SPOCK3: variants seen among roughly 807,000 people sequenced by gnomAD.
SPOCK3 encodes the protein testican-3.
Under a neutral mutation model 56.6 loss-of-function variants are expected in SPOCK3, and 30 were observed. The observed-to-expected ratio is 0.53, with a 90% CI of 0.40 to 0.72. The LOEUF (loss-of-function observed/expected upper bound fraction) is 0.72. SPOCK3 is among the 30% of genes least tolerant of loss of function. The probability of loss-of-function intolerance (pLI) is 0.00; values close to 1 mark genes in which losing one functional copy is unlikely to be tolerated. For synonymous variants in SPOCK3, 196 were observed against 183.3 expected, an observed-to-expected ratio of 1.07 and a Z score of -0.56; for missense variants, 527 against 530.0, an observed-to-expected ratio of 0.99 and a Z score of 0.06.
intron 3 of SPOCK3, among the ~76,000 whole-genome samples, chr4:167,025,973 A>C (rs1263968576): frequency 6.6e-6 from 1 of 152,060 alleles, no homozygotes; most frequent in Non-Finnish European, 1.5e-5. Context: ...AGGCCCTTGT[A>C]ACACAATGGT....
chr4:167,233,919 C>T, intron 2 of SPOCK3, 66 bp downstream of exon 2: 1 of 1,416,706 alleles, frequency 7.1e-7, no homozygotes, highest in African/African-American at 1.4e-5. Flanking sequence ...CCACATCCGG[C>T]GGCCGCGGCC....
intron 3 of SPOCK3, among the ~76,000 whole-genome samples, chr4:167,003,256 G>A (rs1749129455): frequency 2.0e-5 from 3 of 152,064 alleles, no homozygotes; most frequent in African/African-American, 4.8e-5. Flanking sequence ...TTATGTAAAT[G>A]ACCAAATAAG....
intron 6 of SPOCK3, among the ~76,000 whole-genome samples, chr4:166,846,294 T>C (rs755628604): frequency 1.8e-4 from 27 of 152,174 alleles, no homozygotes; most frequent in Non-Finnish European, 3.5e-4. Context: ...ATGTTTAGTA[T>C]GTTTCTATCA....
chr4:167,138,992 C>T (rs575523457), intron 2 of SPOCK3, among the ~76,000 whole-genome samples: 1 of 151,970 alleles, frequency 6.6e-6, no homozygotes, highest in African/African-American at 2.4e-5. Flanking sequence ...TTAAACACAG[C>T]AGTGTCAAAA....
At chr4:166,778,571 C>T (rs1396819905) in intron 7 of SPOCK3, among the ~76,000 whole-genome samples, 1 of 152,140 alleles carries the variant, frequency 6.6e-6, no homozygotes, top group East Asian at 1.9e-4. Context: ...ATTCAATACA[C>T]ACTACTAGGC....
At chr4:166,839,560 C>T (rs1212521761) in intron 6 of SPOCK3, among the ~76,000 whole-genome samples, 2 of 152,048 alleles carry the variant, frequency 1.3e-5, no homozygotes, top group South Asian at 2.1e-4. Context: ...GCCCTAACTC[C>T]ACACTAATGG....
At chr4:167,011,141 C>CT in intron 3 of SPOCK3, 1 of 337,186 alleles carries the variant, frequency 3.0e-6, no homozygotes, top group South Asian at 2.4e-5. Context: ...ATAAAAACCT[C>CT]TTAAGGGTTC....
intron 2 of SPOCK3, among the ~76,000 whole-genome samples, chr4:167,173,944 G>A (rs529881173): frequency 6.6e-6 from 1 of 152,206 alleles, no homozygotes; most frequent in African/African-American, 2.4e-5. Context: ...AGCAAAGATA[G>A]ACCAGACATT....
At chr4:166,771,032 G>A (rs1307231501) in intron 7 of SPOCK3, among the ~76,000 whole-genome samples, 2 of 148,778 alleles carry the variant, frequency 1.3e-5, no homozygotes, top group African/African-American at 4.9e-5. Flanking sequence ...TATACATAGT[G>A]ATTGTATGAT....
chr4:167,230,822 C>G (rs564755654), intron 2 of SPOCK3, among the ~76,000 whole-genome samples: 1 of 152,098 alleles, frequency 6.6e-6, no homozygotes, highest in African/African-American at 2.4e-5. Context: ...ACACTCCAAG[C>G]GTCCTTCAAA....
intron 6 of SPOCK3, among the ~76,000 whole-genome samples, chr4:166,865,017 T>C (rs921015564): frequency 1.3e-5 from 2 of 152,040 alleles, no homozygotes; most frequent in African/African-American, 4.8e-5. Flanking sequence ...TGATGAATAT[T>C]GACGCAAAAA....
chr4:166,888,052 T>A (rs983652218), intron 6 of SPOCK3, among the ~76,000 whole-genome samples: 4 of 152,036 alleles, frequency 2.6e-5, no homozygotes, highest in South Asian at 4.1e-4. Flanking sequence ...TTTTATTTTG[T>A]TTTTTCATCT....
rs564220894 is a variant in SPOCK3, at chr4:166,926,895, G to A, written c.351-14152C>T. Among the ~76,000 whole-genome samples, 11 of 152,144 alleles carry A rather than the reference G, an allele frequency of 7.2e-5. No homozygotes were observed. In the East Asian group the frequency reaches 1.4e-3, roughly 19 times the overall value. Reference sequence around the variant, plus strand: ...CAAGAGAGGAGTCTGTCTCTCTCGCGTTTCAACATTTCCGTAAGGTGTGAA... The same window carrying A: ...CAAGAGAGGAGTCTGTCTCTCTCGCATTTCAACATTTCCGTAAGGTGTGAA... On this transcript the variant is annotated intron_variant, in intron 4 of 10. Coordinates refer to ENST00000357545, the MANE Select transcript of SPOCK3 (RefSeq NM_001040159.2).
At chr4:167,037,686 G>C (rs1372687796) in intron 3 of SPOCK3, among the ~76,000 whole-genome samples, 3 of 152,062 alleles carry the variant, frequency 2.0e-5, no homozygotes, top group Non-Finnish European at 2.9e-5. Flanking sequence ...GGGGCCAAAT[G>C]GAAGAGAAAC....
intron 3 of SPOCK3, among the ~76,000 whole-genome samples, chr4:167,010,628 A>G (rs1245902313): frequency 6.6e-6 from 1 of 152,120 alleles, no homozygotes; most frequent in Non-Finnish European, 1.5e-5. Flanking sequence ...AAATGTATAT[A>G]TAGCACAATT....
rs1471551356 is a variant in SPOCK3 at position 166,742,003 on chromosome 4, G to T, written c.988C>A (p.Leu330Ile). The change falls in exon 9 of 11, where the codon CTC becomes ATC. Residue 330 changes from leucine (L) to isoleucine (I), a missense_variant. Physicochemically the swap from Leu to Ile is conservative, Grantham distance 5 (BLOSUM62 2). Coordinates refer to ENST00000357545, the MANE Select transcript of SPOCK3 (RefSeq NM_001040159.2). ...NIQKRQGVKK[L>I]LGQYIPLCDE... Reference sequence around the variant, plus strand: ...AGAATGATCTATTACTCACCTAGGAGCTTCTTTACCCCTTGCCGCTTCTGA... The same window carrying T: ...AGAATGATCTATTACTCACCTAGGATCTTCTTTACCCCTTGCCGCTTCTGA... 1 of 1,610,850 alleles carries T rather than the reference G, an allele frequency of 6.2e-7. No homozygotes were observed. Among genetic ancestry groups the T allele is most frequent in the East Asian group, 2.2e-5 (1 of 44,762 alleles).
At position 167,119,916 on chromosome 4, in the gene SPOCK3, G is replaced by A. The variant is rs1325128651; in HGVS notation, c.190-57379C>T. ...TTCAACCAAAAAAGAAAAAAGGAAA[G>A]AAAGAAAGAAAAGAATAAACCCCTT... On this transcript the variant is annotated intron_variant, in intron 2 of 10. Coordinates refer to ENST00000357545, the MANE Select transcript of SPOCK3 (RefSeq NM_001040159.2). 41 of 1,340,024 alleles carry A rather than the reference G, an allele frequency of 3.1e-5. 1 individual carries two copies. The South Asian group carries it at 5.0e-4, about 16-fold the overall frequency. 83.0% of individuals were successfully genotyped at this position (1,340,024 alleles called of 1,614,324 possible). A position where few individuals can be genotyped will look rare whatever the true frequency, so the allele number is the denominator to read the frequency against.
In SPOCK3 at chr4:166,785,695, A is replaced by T. The variant is rs28437384; in HGVS notation, c.709+6475T>A. Among the ~76,000 whole-genome samples, 736 of 152,222 alleles carry T rather than the reference A, an allele frequency of 4.8e-3. 10 individuals are homozygous for T. Among genetic ancestry groups the T allele is most frequent in the African/African-American group, 0.017 (694 of 41,548 alleles). On this transcript the variant is annotated intron_variant, in intron 7 of 10. Transcript: ENST00000357545. ...CTTTCAAGGTTCATTGACTTTTTTGAAAAAGCAAAATATCTTTCCATTTAA... is the reference window on the plus strand; with the variant it reads ...CTTTCAAGGTTCATTGACTTTTTTGTAAAAGCAAAATATCTTTCCATTTAA...
At chr4:166,742,246 T>TATC (rs1734940548) in intron 8 of SPOCK3, among the ~76,000 whole-genome samples, 187 bp from the exon 9 acceptor site, 2 of 90,696 alleles carry the variant, frequency 2.2e-5, no homozygotes, top group African/African-American at 6.2e-5. Context: ...TCTATCTATC[T>TATC]ATCTATCTAT....
Sources: gnomAD v4.1 joint callset for allele counts (sites outside exome capture counted in the v4.1 genomes callset) on GRCh38, gnomAD v4.1.1 for gene constraint, MANE v1.5 for transcripts, NCBI Gene and HGNC (gene_info 2026-07-23, HGNC 2026-07-21) for gene names.